Variants in FSTL4 observed in about 807,000 individuals in gnomAD.
FSTL4 encodes the protein follistatin like 4.
A neutral mutation model predicts 78.2 loss-of-function variants in FSTL4; 28 were observed. That is an observed-to-expected ratio of 0.36 (90% CI 0.27 to 0.49). The LOEUF is 0.49. Among genes scored for constraint, FSTL4 ranks in the 20% least tolerant of loss-of-function variants. The pLI is 0.98. For missense variants in FSTL4, 922 were observed against 1,084.9 expected (o/e 0.85, Z 2.11); for synonymous variants, 422 against 440.5 (o/e 0.96, Z 0.53).
chr5:133,780,074 C>T, the FSTL4 span, among the ~76,000 whole-genome samples: 2 of 152,132 alleles, frequency 1.3e-5, no homozygotes, highest in Admixed American at 1.3e-4. Context: ...CAAGAGGGCT[C>T]GCAGGTGCAC....
chr5:133,418,264 GAA>G (rs1319666398), intron 3 of FSTL4, among the ~76,000 whole-genome samples: 1 of 151,942 alleles, frequency 6.6e-6, no homozygotes, highest in African/African-American at 2.4e-5. Context: ...AGGAGTGAAA[GAA>G]AGAGTATTTC....
the FSTL4 span, among the ~76,000 whole-genome samples, chr5:133,728,044 C>T: frequency 1.9e-3 from 290 of 152,332 alleles, 2 homozygotes; most frequent in African/African-American, 6.9e-3. Flanking sequence ...ATGACAGTAG[C>T]AGCTGCCCAG....
At position 133,391,673 on chromosome 5, in the gene FSTL4, CCCCCA is replaced by C. The variant is rs1306014869; in HGVS notation, c.409+9060_409+9064del. Among the ~76,000 whole-genome samples, 3 of 152,192 alleles carry C rather than the reference CCCCCA, an allele frequency of 2.0e-5. No homozygotes were observed. In the East Asian group the frequency reaches 5.8e-4, roughly 29 times the overall value. On this transcript the variant is annotated intron_variant, in intron 4 of 15. Coordinates refer to ENST00000265342, the MANE Select transcript of FSTL4 (RefSeq NM_015082.2). ...CCAGCAACTCTGGCCCCCTTGTGAG[CCCCCA>C]AACACGCTAGGCAAGCTCCTACCTT...
the FSTL4 span, among the ~76,000 whole-genome samples, chr5:133,663,939 G>T: frequency 6.6e-6 from 1 of 152,206 alleles, no homozygotes; most frequent in South Asian, 2.1e-4. Flanking sequence ...AGTGTGGGGA[G>T]CCCTGTGTAT....
At chr5:133,279,395 T>C (rs1752962231) in intron 6 of FSTL4, among the ~76,000 whole-genome samples, 1 of 152,264 alleles carries the variant, frequency 6.6e-6, no homozygotes, top group Non-Finnish European at 1.5e-5. Context: ...ACCATCTCTG[T>C]TCTGCTCCCC....
chr5:133,357,638 A>G (rs17628229), intron 4 of FSTL4, among the ~76,000 whole-genome samples: 28,961 of 152,112 alleles, frequency 0.19, 3,543 homozygotes, highest in Middle Eastern at 0.34. Flanking sequence ...TTTGCTTCCA[A>G]ACCTACAGGG....
the FSTL4 span, among the ~76,000 whole-genome samples, chr5:133,812,500 C>A: frequency 6.6e-6 from 1 of 152,240 alleles, no homozygotes; most frequent in Non-Finnish European, 1.5e-5. Flanking sequence ...GGCCTTTGCA[C>A]CAGCTGATCC....
chr5:133,731,094 A>G, the FSTL4 span, among the ~76,000 whole-genome samples: 2 of 152,098 alleles, frequency 1.3e-5, no homozygotes, highest in African/African-American at 2.4e-5. Context: ...GAATCAGCAG[A>G]GAAAAGGGGT....
intron 1 of FSTL4, among the ~76,000 whole-genome samples, chr5:133,605,635 G>A (rs1440783914): frequency 6.6e-6 from 1 of 152,074 alleles, no homozygotes; most frequent in Non-Finnish European, 1.5e-5. Context: ...ATGCCCACAG[G>A]GAGGAGAAGT....
chr5:133,260,488 G>A (rs187028010), intron 6 of FSTL4, among the ~76,000 whole-genome samples: 2 of 152,308 alleles, frequency 1.3e-5, no homozygotes, highest in East Asian at 3.9e-4. Context: ...CTCCTGATGA[G>A]GGGTTCCTGT....
the FSTL4 span, among the ~76,000 whole-genome samples, chr5:133,663,698 G>C: frequency 6.6e-6 from 1 of 152,254 alleles, no homozygotes; most frequent in East Asian, 1.9e-4. Context: ...GTAGGATAGA[G>C]AAGTTTGAGC....
chr5:133,404,375 T>G (rs909178637), intron 3 of FSTL4, among the ~76,000 whole-genome samples: 3 of 152,218 alleles, frequency 2.0e-5, no homozygotes, highest in African/African-American at 7.2e-5. Context: ...CAACTGCCTA[T>G]AGTATTTATG....
At position 133,400,852 on chromosome 5, in the gene FSTL4, G is replaced by C; in HGVS notation, c.295C>G (p.Pro99Ala). The change falls in exon 4 of 16, where the codon CCT becomes GCT. Residue 99 changes from proline (P) to alanine (A), a missense_variant. By Grantham distance (27) the Pro-to-Ala change is conservative. Coordinates refer to ENST00000265342, the MANE Select transcript of FSTL4 (RefSeq NM_015082.2). ...AACCTCCCATCAGAGCCGCACACAG[G>C]CACGTAGCTGGGCCTGCATGCCTCC... ...CLEACRPSYV[P>A]VCGSDGRFYE... The C allele has an allele frequency of 6.2e-7, 1 of 1,613,974 alleles. No homozygotes were observed.
chr5:133,781,268 C>T, the FSTL4 span, among the ~76,000 whole-genome samples: 4,308 of 152,142 alleles, frequency 0.028, 201 homozygotes, highest in African/African-American at 0.098. Flanking sequence ...TTGCAACCAG[C>T]AGCCCTCCCT....
chr5:133,795,265 G>A, the FSTL4 span, among the ~76,000 whole-genome samples: 1 of 152,182 alleles, frequency 6.6e-6, no homozygotes, highest in Non-Finnish European at 1.5e-5. Flanking sequence ...ACTCAGGCCG[G>A]CAAGGGGATA....
intron 6 of FSTL4, among the ~76,000 whole-genome samples, chr5:133,294,132 C>G (rs2126871330): frequency 6.6e-6 from 1 of 152,296 alleles, no homozygotes; most frequent in African/African-American, 2.4e-5. Flanking sequence ...ACACCCTCCT[C>G]TCAGTTTCCA....
intron 3 of FSTL4, among the ~76,000 whole-genome samples, chr5:133,401,239 A>G (rs1301223505): frequency 1.3e-5 from 2 of 152,172 alleles, no homozygotes; most frequent in Non-Finnish European, 2.9e-5. Context: ...CTGAAACACA[A>G]CACCTTTCCA....
intron 6 of FSTL4, among the ~76,000 whole-genome samples, chr5:133,280,312 G>C (rs554502277): frequency 1.4e-4 from 21 of 152,286 alleles, no homozygotes; most frequent in Non-Finnish European, 1.3e-4. Flanking sequence ...TATGGGGAGG[G>C]GGTGAGGGGA....
At chr5:133,480,070 A>C (rs17166714) in intron 3 of FSTL4, among the ~76,000 whole-genome samples, 7,851 of 152,228 alleles carry the variant, frequency 0.052, 226 homozygotes, top group Middle Eastern at 0.078. Flanking sequence ...AGGACCTAAC[A>C]CCGAATGCAA....
Sources: allele counts gnomAD v4.1 joint callset (sites outside exome capture counted in the v4.1 genomes callset), GRCh38; gene constraint gnomAD v4.1.1; transcripts MANE v1.5; gene names NCBI Gene and HGNC (gene_info 2026-07-23, HGNC 2026-07-21).